Variants in FAM117A observed in about 807,000 individuals in gnomAD.
FAM117A encodes the protein family with sequence similarity 117 member A.
In FAM117A, 21 loss-of-function variants were observed where a neutral mutation model predicts 44.1. That is an observed-to-expected ratio of 0.48 (90% CI 0.34 to 0.69). The LOEUF (loss-of-function observed/expected upper bound fraction) is 0.69, where lower values mean the gene tolerates loss of function less well. FAM117A is among the 30% of genes least tolerant of loss of function. The pLI, the probability that FAM117A is intolerant of heterozygous loss-of-function variation, is 0.01. For synonymous variants in FAM117A, 220 were observed against 238.3 expected (o/e 0.92, Z 0.71); for missense variants, 498 against 589.9 (o/e 0.84, Z 1.61).
intron 1 of FAM117A, among the ~76,000 whole-genome samples, chr17:49,775,267 C>A (rs2143800558): frequency 6.6e-6 from 1 of 152,338 alleles, no homozygotes; most frequent in East Asian, 1.9e-4. Context: ...GGATTACAGG[C>A]ATGAGCCACT....
chr17:49,720,724 CCT>C (rs1404196857), intron 3 of FAM117A, among the ~76,000 whole-genome samples: 1 of 151,952 alleles, frequency 6.6e-6, no homozygotes, highest in Non-Finnish European at 1.5e-5. Context: ...ATGGACTACC[CCT>C]CTTTTTTTTT....
At chr17:49,723,489 C>T (rs912040106) in intron 2 of FAM117A, among the ~76,000 whole-genome samples, 8 of 152,206 alleles carry the variant, frequency 5.3e-5, no homozygotes, top group African/African-American at 1.7e-4. Flanking sequence ...CCACCAGTAT[C>T]CCTACTTCCA....
chr17:49,740,285 T>TC (rs2073628005), intron 1 of FAM117A, among the ~76,000 whole-genome samples: 1 of 151,774 alleles, frequency 6.6e-6, no homozygotes, highest in African/African-American at 2.4e-5. Flanking sequence ...TCTCACTCTG[T>TC]CCCTCAGGCT....
intron 2 of FAM117A, 32 bp from the exon 3 acceptor site, chr17:49,722,626 A>C (rs1479692247): frequency 1.9e-6 from 3 of 1,589,682 alleles, no homozygotes; most frequent in Non-Finnish European, 2.6e-6. Context: ...GAGACACAGC[A>C]GCTTCTTTGG....
intron 1 of FAM117A, 122 bp from the exon 2 acceptor site, chr17:49,732,842 C>A: frequency 9.3e-7 from 1 of 1,075,564 alleles, no homozygotes; most frequent in Non-Finnish European, 1.3e-6. Context: ...CCACCACTGT[C>A]CTAAAAGAAT....
chr17:49,732,745 C>A (rs778599058), intron 1 of FAM117A, 25 bp from the exon 2 acceptor site: 2 of 1,606,682 alleles, frequency 1.2e-6, no homozygotes, highest in Non-Finnish European at 8.5e-7. Flanking sequence ...AGCCCGCACG[C>A]CTTGCCATCA....
At chr17:49,756,583 T>C (rs2073699362) in intron 1 of FAM117A, among the ~76,000 whole-genome samples, 1 of 147,398 alleles carries the variant, frequency 6.8e-6, no homozygotes, top group South Asian at 2.1e-4. Flanking sequence ...GATTCCAACC[T>C]GGGTGATGAA....
In FAM117A at chr17:49,711,324, T is replaced by G; in HGVS notation, c.1293A>C (p.Pro431=). The G allele has an allele frequency of 3.1e-6, 5 of 1,609,864 alleles. No individual in the cohort carries two copies. Among genetic ancestry groups the G allele is most frequent in the Non-Finnish European group, 4.2e-6 (5 of 1,177,364 alleles). ...GTGGGGTGCGCTGCCATGGCTCGAA[T>G]GGCAGTGGGGAGGCCTTGGAGGCTT... ...DPEASKASPL[P]FEPWQRTPPS... Residue 431 remains proline (P), a synonymous_variant, in exon 8 of 8, where the codon CCA becomes CCC. Transcript: ENST00000240364.
chr17:49,714,569 C>T (rs2073493409), intron 7 of FAM117A, among the ~76,000 whole-genome samples: 1 of 151,818 alleles, frequency 6.6e-6, no homozygotes. Context: ...AACTCCTGGC[C>T]TCAAGTGATC....
intron 1 of FAM117A, among the ~76,000 whole-genome samples, chr17:49,782,207 C>T (rs1176991896): frequency 1.3e-5 from 2 of 151,458 alleles, no homozygotes; most frequent in African/African-American, 2.4e-5. Flanking sequence ...AACCCCGTCT[C>T]TACTAAAAAT....
intron 1 of FAM117A, among the ~76,000 whole-genome samples, chr17:49,788,112 T>A (rs1034500900): frequency 2.0e-5 from 3 of 152,240 alleles, no homozygotes; most frequent in Admixed American, 6.5e-5. Flanking sequence ...CTAACTCACT[T>A]GCTGTTAGCT....
At chr17:49,760,118 A>G (rs2073716897) in intron 1 of FAM117A, among the ~76,000 whole-genome samples, 1 of 152,208 alleles carries the variant, frequency 6.6e-6, no homozygotes, top group Admixed American at 6.5e-5. Flanking sequence ...TCACCTGACA[A>G]TGGTGGGGGT....
At chr17:49,718,363 C>T (rs909027418) in intron 5 of FAM117A, among the ~76,000 whole-genome samples, 1 of 152,222 alleles carries the variant, frequency 6.6e-6, no homozygotes, top group Non-Finnish European at 1.5e-5. Context: ...TAAACTGTGT[C>T]AATATAAAAT....
At chr17:49,712,464 A>T (rs1475798790) in intron 7 of FAM117A, among the ~76,000 whole-genome samples, 1 of 152,244 alleles carries the variant, frequency 6.6e-6, no homozygotes, top group Non-Finnish European at 1.5e-5. Context: ...ACTGGCCTAA[A>T]GAATCTAATT....
chr17:49,745,953 C>T (rs1225931932), intron 1 of FAM117A, among the ~76,000 whole-genome samples: 1 of 152,180 alleles, frequency 6.6e-6, no homozygotes, highest in Non-Finnish European at 1.5e-5. Flanking sequence ...GGCAAAGCCA[C>T]AATTACTTTT....
intron 7 of FAM117A, among the ~76,000 whole-genome samples, chr17:49,713,216 C>T (rs1478750334): frequency 6.6e-6 from 1 of 152,110 alleles, no homozygotes; most frequent in Non-Finnish European, 1.5e-5. Context: ...TGAGAGGAAT[C>T]ATCCTTCCTC....
intron 1 of FAM117A, among the ~76,000 whole-genome samples, chr17:49,756,219 T>C (rs1422942492): frequency 2.0e-5 from 3 of 152,186 alleles, no homozygotes; most frequent in Non-Finnish European, 4.4e-5. Context: ...TTTTCTCTAA[T>C]TAACCTCACC....
At chr17:49,732,949 T>C in intron 1 of FAM117A, 1 of 526,490 alleles carries the variant, frequency 1.9e-6, no homozygotes, top group African/African-American at 1.9e-5. Flanking sequence ...CCATTTTACT[T>C]TGGACTTGGA....
At chr17:49,723,652 A>G (rs929639933) in intron 2 of FAM117A, among the ~76,000 whole-genome samples, 1 of 152,072 alleles carries the variant, frequency 6.6e-6, no homozygotes, top group Non-Finnish European at 1.5e-5. Flanking sequence ...TTGCAAACAG[A>G]AAAGGGGGAG....
Sources: gnomAD v4.1 joint callset for allele counts (sites outside exome capture counted in the v4.1 genomes callset) on GRCh38, gnomAD v4.1.1 for gene constraint, MANE v1.5 for transcripts, NCBI Gene and HGNC (gene_info 2026-07-23, HGNC 2026-07-21) for gene names.